The following IMMP2L variants were observed in gnomAD, a reference collection of about 807,000 sequenced individuals.
IMMP2L encodes inner mitochondrial membrane peptidase subunit 2.
In IMMP2L, 18 loss-of-function variants were observed where a neutral mutation model predicts 19.3. That is an observed-to-expected ratio of 0.93 (90% confidence interval 0.64 to 1.38). IMMP2L has a LOEUF of 1.38. Among genes scored for constraint, IMMP2L ranks in the 40% most tolerant of loss-of-function variants. The pLI, the probability that IMMP2L is intolerant of heterozygous loss-of-function variation, is 0.00. For synonymous variants in IMMP2L, 76 were observed against 73.0 expected (o/e 1.04, Z -0.21); for missense variants, 233 against 218.2 (o/e 1.07, Z -0.43).
intron 4 of IMMP2L, among the ~76,000 whole-genome samples, chr7:110,959,410 A>T (rs1410384487): frequency 6.6e-6 from 1 of 151,860 alleles, no homozygotes; most frequent in African/African-American, 2.4e-5. Flanking sequence ...CTGGCATTTT[A>T]AAAAAATTGA....
chr7:111,328,972 A>T (rs1166152429), intron 3 of IMMP2L, among the ~76,000 whole-genome samples: 2 of 151,898 alleles, frequency 1.3e-5, no homozygotes, highest in African/African-American at 4.8e-5. Context: ...TTTTTACATT[A>T]GTAAGACCTT....
At chr7:111,318,887 C>CATTA (rs1221317857) in intron 3 of IMMP2L, among the ~76,000 whole-genome samples, 1 of 152,036 alleles carries the variant, frequency 6.6e-6, no homozygotes, top group African/African-American at 2.4e-5. Context: ...ATGATTCGAC[C>CATTA]ATTAGCCAGA....
chr7:111,264,971 T>A (rs1817683957), intron 3 of IMMP2L, among the ~76,000 whole-genome samples: 1 of 152,158 alleles, frequency 6.6e-6, no homozygotes, highest in Non-Finnish European at 1.5e-5. Flanking sequence ...CTTTGTTACC[T>A]GCATCTTGCA....
At chr7:111,170,063 G>C (rs1274776115) in intron 3 of IMMP2L, among the ~76,000 whole-genome samples, 1 of 151,758 alleles carries the variant, frequency 6.6e-6, no homozygotes. Context: ...AAGCTGTTTT[G>C]TCTATACATA....
At chr7:111,381,766 A>T (rs942740953) in intron 3 of IMMP2L, among the ~76,000 whole-genome samples, 1 of 151,940 alleles carries the variant, frequency 6.6e-6, no homozygotes, top group African/African-American at 2.4e-5. Flanking sequence ...GCATTTGTTC[A>T]TTCATTCATT....
At chr7:111,211,853 C>T (rs770389832) in intron 3 of IMMP2L, among the ~76,000 whole-genome samples, 12 of 151,964 alleles carry the variant, frequency 7.9e-5, no homozygotes, top group Non-Finnish European at 1.2e-4. Flanking sequence ...AAAAATTAGC[C>T]GGGCATCGTG....
intron 3 of IMMP2L, among the ~76,000 whole-genome samples, chr7:111,019,914 T>C (rs1826101768): frequency 6.6e-6 from 1 of 152,114 alleles, no homozygotes; most frequent in Admixed American, 6.5e-5. Flanking sequence ...AACATCTCCA[T>C]GTCAAGCCAA....
chr7:110,998,787 G>C (rs996129707), intron 3 of IMMP2L, among the ~76,000 whole-genome samples: 1 of 152,120 alleles, frequency 6.6e-6, no homozygotes, highest in African/African-American at 2.4e-5. Flanking sequence ...CGGGCACAGT[G>C]TAATTCCACT....
At chr7:111,181,379 T>G (rs1490717842) in intron 3 of IMMP2L, among the ~76,000 whole-genome samples, 1 of 152,062 alleles carries the variant, frequency 6.6e-6, no homozygotes, top group Non-Finnish European at 1.5e-5. Context: ...TTCTTATTTG[T>G]TTGTTTAATA....
At chr7:111,338,444 T>A (rs1330000514) in intron 3 of IMMP2L, among the ~76,000 whole-genome samples, 1 of 152,074 alleles carries the variant, frequency 6.6e-6, no homozygotes, top group East Asian at 1.9e-4. Flanking sequence ...AAATGGGGAC[T>A]AGGTATTCTC....
At chr7:111,015,583 A>G (rs1825421883) in intron 3 of IMMP2L, among the ~76,000 whole-genome samples, 1 of 152,174 alleles carries the variant, frequency 6.6e-6, no homozygotes, top group Non-Finnish European at 1.5e-5. Flanking sequence ...AAAAAGGGCC[A>G]CTTATTGTTT....
chr7:111,044,747 A>G lies in IMMP2L; in HGVS notation c.240-81182T>C, dbSNP rs190094942. Among the ~76,000 whole-genome samples, 19 of 152,296 alleles carry G rather than the reference A, an allele frequency of 1.2e-4. No homozygotes were observed. In the East Asian group the frequency reaches 1.7e-3, roughly 14 times the overall value. On this transcript the variant is annotated intron_variant, in intron 3 of 5. Transcript: ENST00000405709. ...CCAATGGAAAGAAACAAAGGAACCA[A>G]TTTGATACTTTTTTTATCCCATCAA... is the stretch of plus-strand genomic sequence containing the variant.
At chr7:111,157,212 C>T (rs1804737032) in intron 3 of IMMP2L, among the ~76,000 whole-genome samples, 1 of 152,058 alleles carries the variant, frequency 6.6e-6, no homozygotes, top group Admixed American at 6.6e-5. Flanking sequence ...TGATCCAGTA[C>T]TCCCACTGCT....
chr7:110,804,498 T>A (rs1011856117), intron 5 of IMMP2L, among the ~76,000 whole-genome samples: 6 of 151,926 alleles, frequency 3.9e-5, no homozygotes, highest in Middle Eastern at 3.4e-3. Flanking sequence ...GGAACTCTGG[T>A]TTCTAATGCA....
chr7:111,491,826 G>A (rs1843132920), intron 2 of IMMP2L, among the ~76,000 whole-genome samples: 2 of 151,972 alleles, frequency 1.3e-5, no homozygotes, highest in Non-Finnish European at 2.9e-5. Flanking sequence ...AAGGTGACCT[G>A]GAGGGAGACC....
At chr7:111,043,344 C>CTGAAATTTCAGGTTACTTAATGTAACCA (rs1792078764) in intron 3 of IMMP2L, among the ~76,000 whole-genome samples, 1 of 152,146 alleles carries the variant, frequency 6.6e-6, no homozygotes, top group Admixed American at 6.5e-5. Context: ...GCCAGGAAGC[C>CTGAAATTTCAGGTTACTTAATGTAACCA]TGAAATTTCA....
At chr7:111,455,415 A>C (rs1839594514) in intron 3 of IMMP2L, among the ~76,000 whole-genome samples, 1 of 152,076 alleles carries the variant, frequency 6.6e-6, no homozygotes, top group African/African-American at 2.4e-5. Context: ...CCCTTGACAG[A>C]ATCTATCACT....
At chr7:110,759,370 AT>A (rs1398333210) in intron 5 of IMMP2L, among the ~76,000 whole-genome samples, 2 of 152,150 alleles carry the variant, frequency 1.3e-5, no homozygotes, top group African/African-American at 4.8e-5. Context: ...TAGATGTGAG[AT>A]AAACATTTGC....
At chr7:110,737,052 G>GT (rs1184915344) in intron 5 of IMMP2L, among the ~76,000 whole-genome samples, 1 of 152,184 alleles carries the variant, frequency 6.6e-6, no homozygotes, top group Non-Finnish European at 1.5e-5. Context: ...TAAGATGGCA[G>GT]ATAGGAGGCA....
Sources: gnomAD v4.1 joint callset for allele counts (sites outside exome capture counted in the v4.1 genomes callset) on GRCh38, gnomAD v4.1.1 for gene constraint, MANE v1.5 for transcripts, NCBI Gene and HGNC (gene_info 2026-07-23, HGNC 2026-07-21) for gene names.